HAUS6: variants seen among roughly 807,000 people sequenced by gnomAD.
HAUS6 encodes HAUS augmin like complex subunit 6, also known as HAUS augmin-like complex subunit 6.
In HAUS6, 80 loss-of-function variants were observed where a neutral mutation model predicts 106.8. The ratio of observed to expected loss-of-function variants is 0.75; its 90% CI spans 0.63 to 0.90. HAUS6 has a LOEUF of 0.90. Among genes scored for constraint, HAUS6 ranks in the 40% least tolerant of loss-of-function variants. The pLI, the probability that HAUS6 is intolerant of heterozygous loss-of-function variation, is 0.00. For missense variants in HAUS6, 1,155 were observed against 1,118.1 expected (o/e 1.03, Z -0.47); for synonymous variants, 356 against 379.1 (o/e 0.94, Z 0.71).
chr9:19,102,820 C>T lies in HAUS6; in HGVS notation c.-169G>A. On this transcript the variant is annotated 5_prime_UTR_variant, in exon 1 of 17. Transcript: ENST00000380502. ...ATTTCGCCTCAAAGGGCCTCACAAC[C>T]TCCGGGAAATTGAGTTTCTAACGGT... 1 of 608,160 alleles carries T rather than the reference C, an allele frequency of 1.6e-6. No individual in the cohort carries two copies. The highest frequency in any genetic ancestry group is 3.1e-5 in the East Asian group (1 of 31,822). 37.7% of individuals were successfully genotyped at this position (608,160 alleles called of 1,614,324 possible). A position where few individuals can be genotyped will look rare whatever the true frequency, so the allele number is the denominator to read the frequency against.
At chr9:19,089,194 C>T (rs2131145413) in intron 5 of HAUS6, among the ~76,000 whole-genome samples, 1 of 151,978 alleles carries the variant, frequency 6.6e-6, no homozygotes, top group Non-Finnish European at 1.5e-5. Flanking sequence ...AGTGAGCCGA[C>T]ATCGCGCCAC....
intron 11 of HAUS6, 109 bp from the exon 12 acceptor site, chr9:19,070,409 C>A (rs1836860991): frequency 4.6e-6 from 3 of 652,970 alleles, no homozygotes; most frequent in South Asian, 1.9e-5. Context: ...AACAGAAAAA[C>A]CAAAATATGA....
At chr9:19,060,652 C>G (rs1000851609) in intron 14 of HAUS6, among the ~76,000 whole-genome samples, 1 of 152,180 alleles carries the variant, frequency 6.6e-6, no homozygotes, top group African/African-American at 2.4e-5. Context: ...TATTAAGAAA[C>G]AGAATCATTC....
In HAUS6 at chr9:19,102,691, A is replaced by T. The variant is rs1235829163; in HGVS notation, c.-40T>A. The T allele has an allele frequency of 1.9e-5, 31 of 1,598,856 alleles. No individual in the cohort carries two copies. The highest frequency in any genetic ancestry group is 2.5e-5 in the Non-Finnish European group (29 of 1,172,054). ...CGGTGGCTGCAAAGAAAGAAAGCGC[A>T]AGCCCAGGGGACTCGGAGGGCCCTC... is the stretch of plus-strand genomic sequence containing the variant. On this transcript the variant is annotated 5_prime_UTR_variant, in exon 1 of 17. Transcript: ENST00000380502.
Position 19,058,299 on chromosome 9 carries a change from G to A in HAUS6, c.2468C>T (p.Thr823Ile), listed in dbSNP as rs1208138874. ...CTGTAAATTAAAGTCTGATTCTGGA[G>A]TAGTCTGTCTCCCTCCCACAACATC... ...LEDVVGGRQT[T>I]PESDFNLQAL... The change falls in exon 16 of 17, where the codon ACT (threonine) becomes ATT (isoleucine). Residue 823 changes from threonine (T) to isoleucine (I), a missense_variant. This residue lies in a region of HAUS6 where 380 missense variants were observed against 394.8 expected (regional missense o/e 0.96). Coordinates refer to ENST00000380502, the MANE Select transcript of HAUS6 (RefSeq NM_017645.5). 21 of 1,613,054 alleles carry A rather than the reference G, an allele frequency of 1.3e-5. No individual in the cohort carries two copies. The highest frequency in any genetic ancestry group is 1.7e-5 in the Admixed American group (1 of 59,974).
chr9:19,082,347 A>G (rs978092931), intron 8 of HAUS6, among the ~76,000 whole-genome samples: 1 of 152,242 alleles, frequency 6.6e-6, no homozygotes, highest in Admixed American at 6.5e-5. Context: ...TGTCTGTACT[A>G]TATGATGTAG....
At chr9:19,079,208 C>T (rs1837080315) in intron 9 of HAUS6, among the ~76,000 whole-genome samples, 1 of 149,292 alleles carries the variant, frequency 6.7e-6, no homozygotes, top group Non-Finnish European at 1.5e-5. Context: ...ACATCTATTA[C>T]TCCATTTTAT....
Position 19,058,697 on chromosome 9 carries a change from T to C in HAUS6, c.2070A>G (p.Lys690=). The part of the protein sequence containing the change: ...TQNQSDLLNK[K]VICKQDLECL... ...ATTCCAAATCTTGCTTGCAAATTACTTTCTTATTTAACAAATCTGACTGAT... is the reference window on the plus strand; with the variant it reads ...ATTCCAAATCTTGCTTGCAAATTACCTTCTTATTTAACAAATCTGACTGAT... Residue 690 remains lysine, a synonymous_variant, in exon 16 of 17, where the codon AAA becomes AAG. Transcript: ENST00000380502. 6.2e-7 allele frequency: 1 copy of C among 1,613,702 alleles called. No individual in the cohort carries two copies. The highest frequency in any genetic ancestry group is 8.5e-7 in the Non-Finnish European group (1 of 1,179,630).
At chr9:19,095,203 AAG>A (rs1457504024) in intron 2 of HAUS6, among the ~76,000 whole-genome samples, 1 of 152,042 alleles carries the variant, frequency 6.6e-6, no homozygotes, top group African/African-American at 2.4e-5. Context: ...AAACATTAAA[AAG>A]AGAAGTTTTG....
chr9:19,068,536 T>C (rs1319098457), intron 12 of HAUS6, among the ~76,000 whole-genome samples: 1 of 152,160 alleles, frequency 6.6e-6, no homozygotes, highest in Non-Finnish European at 1.5e-5. Context: ...ACAAAAAAAG[T>C]TTTAACTCTG....
At chr9:19,079,150 G>A (rs1419808246) in intron 9 of HAUS6, among the ~76,000 whole-genome samples, 3 of 144,374 alleles carry the variant, frequency 2.1e-5, no homozygotes, top group African/African-American at 7.5e-5. Context: ...GGCAAAAAGA[G>A]GGAAATGCCG....
intron 3 of HAUS6, 144 bp downstream of exon 3, chr9:19,094,173 C>T (rs1448972428): frequency 1.7e-5 from 9 of 520,356 alleles, no homozygotes; most frequent in Middle Eastern, 9.7e-4. Context: ...CAAAAACCAT[C>T]AAAGAAGACT....
rs1836445941 is a variant in HAUS6, at chr9:19,055,335, G to C, written c.*1008C>G. 1 of 152,192 alleles carries C rather than the reference G, an allele frequency of 6.6e-6. No individual in the cohort carries two copies. Among genetic ancestry groups the C allele is most frequent in the East Asian group, 1.9e-4 (1 of 5,192 alleles). The allele number at this position is 152,192 out of a possible 1,614,324, so 9.4% of individuals were successfully genotyped here. A position where few individuals can be genotyped will look rare whatever the true frequency, so the allele number is the denominator to read the frequency against. On this transcript the variant is annotated 3_prime_UTR_variant, in exon 17 of 17. Coordinates refer to ENST00000380502, the MANE Select transcript of HAUS6 (RefSeq NM_017645.5). Reference sequence around the variant, plus strand: ...ATAGTATGTGTTCACTTGGATGCTAGACACAAGTCTTTTTCTAGGCAGGGC... The same window carrying C: ...ATAGTATGTGTTCACTTGGATGCTACACACAAGTCTTTTTCTAGGCAGGGC...
At chr9:19,087,606 A>G (rs959417573) in intron 5 of HAUS6, among the ~76,000 whole-genome samples, 1 of 152,164 alleles carries the variant, frequency 6.6e-6, no homozygotes, top group African/African-American at 2.4e-5. Context: ...TGTAATGCCT[A>G]TATTTTGGGA....
intron 5 of HAUS6, among the ~76,000 whole-genome samples, chr9:19,087,777 A>C (rs1452950267): frequency 7.0e-6 from 1 of 143,866 alleles, no homozygotes. Context: ...CAGGAGGTCA[A>C]GGCTGCCGTG....
At chr9:19,097,234 G>A (rs1464451004) in intron 1 of HAUS6, among the ~76,000 whole-genome samples, 5 of 152,114 alleles carry the variant, frequency 3.3e-5, no homozygotes, top group Non-Finnish European at 7.3e-5. Context: ...GGCAACAAAA[G>A]CCAAAATTGA....
At chr9:19,083,427 T>C (rs1405009700) in intron 7 of HAUS6, among the ~76,000 whole-genome samples, 2 of 152,058 alleles carry the variant, frequency 1.3e-5, no homozygotes, top group Non-Finnish European at 2.9e-5. Context: ...AGAAATCTTA[T>C]ACAAGATACA....
intron 15 of HAUS6, 165 bp downstream of exon 15, chr9:19,059,923 C>T: frequency 2.0e-6 from 1 of 504,942 alleles, no homozygotes; most frequent in Non-Finnish European, 3.5e-6. Context: ...GCACAAAATA[C>T]TGCTAAAAGA....
chr9:19,085,731 T>A (rs1837274914), intron 7 of HAUS6, among the ~76,000 whole-genome samples: 1 of 152,108 alleles, frequency 6.6e-6, no homozygotes, highest in African/African-American at 2.4e-5. Flanking sequence ...ACCAGACTCA[T>A]TTTGATTCCT....
Sources: gnomAD v4.1 joint callset for allele counts (sites outside exome capture counted in the v4.1 genomes callset) on GRCh38, gnomAD v4.1.1 for gene constraint, gnomAD v4.1.1 regional missense constraint, MANE v1.5 for transcripts, NCBI Gene and HGNC (gene_info 2026-07-23, HGNC 2026-07-21) for gene names.